Variants in DPRX observed in about 807,000 individuals in gnomAD.
DPRX encodes the protein divergent-paired related homeobox.
DPRX carries 11 observed loss-of-function variants against 8.4 expected under a neutral mutation model. That is an observed-to-expected ratio of 1.31 (90% confidence interval 0.82 to 2.17). The LOEUF (loss-of-function observed/expected upper bound fraction) is 2.17, where lower values mean the gene tolerates loss of function less well. DPRX is among the 30% of genes most tolerant of loss of function. DPRX has a pLI of 0.00. For missense variants in DPRX, 211 were observed against 236.7 expected (o/e 0.89, Z 0.71); for synonymous variants, 72 against 87.0 (o/e 0.83, Z 0.96).
chr19:53,634,450 T>C, intron 1 of DPRX, 81 bp from the exon 2 acceptor site: 1 of 1,517,326 alleles, frequency 6.6e-7, no homozygotes, highest in African/African-American at 1.4e-5. Context: ...TGTACCTCAG[T>C]GGAAAGGAAA....
chr19:53,606,690 A>G, the DPRX span: 4 of 151,384 alleles, frequency 2.6e-5, no homozygotes, highest in Non-Finnish European at 4.4e-5. The surrounding 1 kb of genome is among the most constrained non-coding windows in gnomAD (Gnocchi z 4.8). Flanking sequence ...GGACAGGTAT[A>G]TGCACCGGGC....
At chr19:53,610,365 G>A in the DPRX span, among the ~76,000 whole-genome samples, 1 of 151,916 alleles carries the variant, frequency 6.6e-6, no homozygotes, top group Non-Finnish European at 1.5e-5. Context: ...CCATGGGTGA[G>A]GGGTTGGATA....
At chr19:53,607,689 CAAA>C in the DPRX span, among the ~76,000 whole-genome samples, 1 of 129,188 alleles carries the variant, frequency 7.7e-6, no homozygotes, top group Non-Finnish European at 1.6e-5. Flanking sequence ...CCGTCTCTAC[CAAA>C]AAAAAAAAAA....
the DPRX span, among the ~76,000 whole-genome samples, chr19:53,619,623 C>T: frequency 8.4e-3 from 1,258 of 150,464 alleles, 14 homozygotes; most frequent in African/African-American, 0.029. Flanking sequence ...TGCGATGAGC[C>T]GAGATCGTGC....
At chr19:53,601,701 C>T in the DPRX span, among the ~76,000 whole-genome samples, 8 of 152,050 alleles carry the variant, frequency 5.3e-5, no homozygotes, top group Admixed American at 2.0e-4. Context: ...AGGCTGGTCC[C>T]GAACTCCTCG....
the DPRX span, among the ~76,000 whole-genome samples, chr19:53,601,574 T>C: frequency 4.6e-5 from 7 of 150,612 alleles, no homozygotes; most frequent in South Asian, 1.5e-3. Context: ...ATCCGCCTCC[T>C]GGGTTCAAGC....
At chr19:53,601,638 T>C in the DPRX span, among the ~76,000 whole-genome samples, 45 of 151,948 alleles carry the variant, frequency 3.0e-4, 1 homozygote, top group Admixed American at 8.5e-4. Context: ...CACACCACCA[T>C]GCCCGGCTAA....
the DPRX span, among the ~76,000 whole-genome samples, chr19:53,603,181 T>C: frequency 1.3e-5 from 2 of 151,584 alleles, no homozygotes; most frequent in Admixed American, 1.3e-4. Flanking sequence ...CCTCCCAAAG[T>C]GCTGGGATTC....
chr19:53,635,916 T>C (rs777908273), intron 2 of DPRX, among the ~76,000 whole-genome samples: 13 of 152,138 alleles, frequency 8.5e-5, no homozygotes, highest in Non-Finnish European at 1.9e-4. Context: ...TATCCCCTGC[T>C]CTGGGTTTTC....
At chr19:53,609,084 C>G in the DPRX span, among the ~76,000 whole-genome samples, 1 of 150,714 alleles carries the variant, frequency 6.6e-6, no homozygotes, top group Non-Finnish European at 1.5e-5. Context: ...GAATCCTGAA[C>G]AAAAAGAATA....
chr19:53,612,499 G>GC, the DPRX span, among the ~76,000 whole-genome samples: 1 of 152,130 alleles, frequency 6.6e-6, no homozygotes, highest in African/African-American at 2.4e-5. Context: ...TTGAGGTCAG[G>GC]CGTTCGAGAC....
the DPRX span, among the ~76,000 whole-genome samples, chr19:53,602,870 G>T: frequency 5.9e-5 from 9 of 151,392 alleles, no homozygotes; most frequent in South Asian, 2.1e-4. Flanking sequence ...TAGAGATGGG[G>T]TTTCACCATG....
At chr19:53,601,565 T>A in the DPRX span, among the ~76,000 whole-genome samples, 3 of 149,556 alleles carry the variant, frequency 2.0e-5, no homozygotes, top group African/African-American at 7.4e-5. Flanking sequence ...GAATGCAACA[T>A]CCGCCTCCTG....
upstream of DPRX, among the ~76,000 whole-genome samples, chr19:53,627,177 C>T (rs114649850): frequency 4.0e-3 from 615 of 152,182 alleles, 6 homozygotes; most frequent in Middle Eastern, 0.02. Context: ...GGAGTGAAGC[C>T]GAAGGCATTT....
chr19:53,620,230 C>T, the DPRX span, among the ~76,000 whole-genome samples: 1 of 151,930 alleles, frequency 6.6e-6, no homozygotes. Context: ...CCACCTTGCC[C>T]GGCTGTTTTT....
chr19:53,635,853 G>A (rs2091109976), intron 2 of DPRX, among the ~76,000 whole-genome samples: 1 of 152,170 alleles, frequency 6.6e-6, no homozygotes, highest in South Asian at 2.1e-4. Flanking sequence ...ACCAGCCTTA[G>A]CTGGCTGGCC....
upstream of DPRX, among the ~76,000 whole-genome samples, chr19:53,627,729 G>A (rs1465605817): frequency 1.4e-5 from 2 of 147,476 alleles, no homozygotes; most frequent in Non-Finnish European, 1.5e-5. Context: ...ATGAGCCACC[G>A]TGCCCAGCCA....
chr19:53,620,259 C>T, the DPRX span, among the ~76,000 whole-genome samples: 63 of 151,942 alleles, frequency 4.1e-4, no homozygotes, highest in East Asian at 1.0e-2. Flanking sequence ...TTAGTAGAGA[C>T]AGGGTTTCAC....
the DPRX span, among the ~76,000 whole-genome samples, chr19:53,620,462 A>G: frequency 6.6e-6 from 1 of 150,498 alleles, no homozygotes; most frequent in African/African-American, 2.5e-5. Context: ...CCCTGGGTTC[A>G]AGAGATTCTC....
Sources: gnomAD v4.1 joint callset for allele counts (sites outside exome capture counted in the v4.1 genomes callset) on GRCh38, gnomAD v4.1.1 for gene constraint, Gnocchi (gnomAD v3.1) non-coding constraint, MANE v1.5 for transcripts, NCBI Gene and HGNC (gene_info 2026-07-23, HGNC 2026-07-21) for gene names.